DOCK9: variants seen among roughly 807,000 people sequenced by gnomAD.
DOCK9 encodes the protein dedicator of cytokinesis 9.
Under a neutral mutation model 263.3 loss-of-function variants are expected in DOCK9, and 89 were observed. The observed-to-expected ratio is 0.34, with a 90% CI of 0.28 to 0.40. DOCK9 has a LOEUF of 0.40. Ranked by LOEUF, DOCK9 falls within the 10% of genes least tolerant of loss-of-function variation. DOCK9 has a pLI of 1.00. For synonymous variants in DOCK9, 976 were observed against 973.1 expected (o/e 1.00, Z -0.06); for missense variants, 2,140 against 2,603.4 (o/e 0.82, Z 3.87).
intron 1 of DOCK9, among the ~76,000 whole-genome samples, chr13:99,083,903 C>A (rs1482952184): frequency 2.0e-5 from 3 of 152,194 alleles, no homozygotes. Flanking sequence ...TTAAATCCAT[C>A]TGCAGAACTG....
intron 1 of DOCK9, among the ~76,000 whole-genome samples, chr13:99,009,668 T>G (rs958024447): frequency 1.6e-4 from 25 of 151,950 alleles, no homozygotes; most frequent in Middle Eastern, 3.4e-3. Context: ...AGATCCCACC[T>G]GTCCCCACCC....
chr13:99,059,160 A>G (rs1171815367), intron 1 of DOCK9, among the ~76,000 whole-genome samples: 2 of 152,166 alleles, frequency 1.3e-5, no homozygotes, highest in Non-Finnish European at 2.9e-5. Context: ...TAAATACACC[A>G]TGACCAGAGA....
At chr13:99,016,081 G>T (rs1352439060) in intron 1 of DOCK9, 1 of 152,664 alleles carries the variant, frequency 6.6e-6, no homozygotes, top group African/African-American at 2.4e-5. Flanking sequence ...TTCATCTGCT[G>T]CAAGAAATCG....
At chr13:98,860,756 C>T (rs918053601) in intron 32 of DOCK9, among the ~76,000 whole-genome samples, 16 of 152,090 alleles carry the variant, frequency 1.1e-4, no homozygotes, top group African/African-American at 3.9e-4. Flanking sequence ...AGAGAAATCA[C>T]GTTCCATAAA....
chr13:98,915,638 T>A, intron 7 of DOCK9, 135 bp from the exon 8 acceptor site: 11 of 719,514 alleles, frequency 1.5e-5, no homozygotes, highest in Non-Finnish European at 2.3e-5. Flanking sequence ...TGCCCCCTCC[T>A]CATGAAAGCC....
Position 98,922,083 on chromosome 13 carries a change from T to A in DOCK9, c.550A>T (p.Asn184Tyr). The change falls in exon 6 of 53, where the codon AAC (asparagine) becomes TAC (tyrosine). Residue 184 changes from asparagine (N) to tyrosine (Y), a missense_variant. By Grantham distance (143) the Asn-to-Tyr change is moderately radical. Around this residue, in one of 2 missense-constraint regions of DOCK9, gnomAD observed 1,521 missense variants for 1,741.7 expected, o/e 0.87. Transcript: ENST00000682017. ...ITKHGWLYKG[N>Y]MNSAISVTMR... ...GTCACGCTGATGGCACTGTTCATGT[T>A]GCCTTTGTACAGCCAGCCATGCTTG... The A allele has an allele frequency of 6.2e-7, 1 of 1,602,048 alleles. No homozygotes were observed. The highest frequency in any genetic ancestry group is 8.5e-7 in the Non-Finnish European group (1 of 1,174,918).
chr13:98,814,170 C>A (rs922083339), intron 45 of DOCK9, among the ~76,000 whole-genome samples: 1 of 152,118 alleles, frequency 6.6e-6, no homozygotes, highest in South Asian at 2.1e-4. Flanking sequence ...CATTTACCTC[C>A]TACATCATAT....
chr13:98,898,520 G>A (rs950875263), intron 13 of DOCK9, among the ~76,000 whole-genome samples: 8 of 152,068 alleles, frequency 5.3e-5, no homozygotes, highest in African/African-American at 1.4e-4. Flanking sequence ...TGGTCTTTAC[G>A]GGCAACAAAC....
chr13:99,035,602 T>C (rs1282271849), intron 1 of DOCK9, among the ~76,000 whole-genome samples: 2 of 152,146 alleles, frequency 1.3e-5, no homozygotes, highest in Admixed American at 1.3e-4. Context: ...AGCAACAAGA[T>C]AGAAGGAGCC....
At chr13:98,986,850 C>T (rs1309031475) in intron 1 of DOCK9, among the ~76,000 whole-genome samples, 1 of 152,148 alleles carries the variant, frequency 6.6e-6, no homozygotes, top group Non-Finnish European at 1.5e-5. Context: ...CTAAATTAAA[C>T]TTATTCACAG....
intron 1 of DOCK9, among the ~76,000 whole-genome samples, chr13:99,072,571 A>G (rs979202786): frequency 2.0e-5 from 3 of 152,220 alleles, no homozygotes; most frequent in African/African-American, 7.2e-5. Flanking sequence ...ATCCCCAGTG[A>G]TCACAAAACC....
At chr13:99,087,936 C>G (rs1374921262), upstream of DOCK9, 2 of 152,340 alleles carry the variant, frequency 1.3e-5, no homozygotes, top group African/African-American at 2.4e-5. Flanking sequence ...GGTTTCATAG[C>G]CGCCATCGCT....
chr13:99,043,262 T>C (rs1014378744), intron 1 of DOCK9, among the ~76,000 whole-genome samples: 4 of 152,220 alleles, frequency 2.6e-5, no homozygotes, highest in African/African-American at 7.2e-5. Flanking sequence ...AGGAAGAAAC[T>C]GGGGAAGATA....
rs369650467 is a variant in DOCK9 at position 98,947,368 on chromosome 13, T to C, written c.243+8067A>G. 2.6e-5 allele frequency among the ~76,000 whole-genome samples: 4 copies of C among 151,726 alleles called. 1 individual carries two copies. Among genetic ancestry groups the C allele is most frequent in the African/African-American group, 9.7e-5 (4 of 41,304 alleles). On this transcript the variant is annotated intron_variant, in intron 2 of 52. Coordinates refer to ENST00000682017, the MANE Select transcript of DOCK9 (RefSeq NM_001366683.2). ...TTAAGCTCAGCTGATCAGTGCTACC[T>C]GAAAAGTAAGCTTTTCTTTTTAAGG...
chr13:98,807,865 T>C, intron 47 of DOCK9, 58 bp from the exon 48 acceptor site: 2 of 1,395,128 alleles, frequency 1.4e-6, no homozygotes, highest in Non-Finnish European at 1.9e-6. Flanking sequence ...GCTTACCACC[T>C]AGGAAGCGTT....
At chr13:99,010,168 G>T (rs1028729028) in intron 1 of DOCK9, among the ~76,000 whole-genome samples, 6 of 152,190 alleles carry the variant, frequency 3.9e-5, no homozygotes, top group Non-Finnish European at 8.8e-5. Context: ...GGTCCTAGCT[G>T]CTGTTAAAGT....
chr13:99,066,235 C>T (rs1204344345), intron 1 of DOCK9, among the ~76,000 whole-genome samples: 1 of 152,172 alleles, frequency 6.6e-6, no homozygotes, highest in Non-Finnish European at 1.5e-5. Flanking sequence ...TGCAAATCAG[C>T]AGAATGTCAC....
intron 45 of DOCK9, among the ~76,000 whole-genome samples, chr13:98,811,538 G>C (rs1286595897): frequency 6.6e-6 from 1 of 152,112 alleles, no homozygotes; most frequent in Non-Finnish European, 1.5e-5. Context: ...TGTCTCCCAA[G>C]TAGCTGGGAT....
At chr13:99,016,622 C>G (rs567786305) in intron 1 of DOCK9, among the ~76,000 whole-genome samples, 7 of 152,300 alleles carry the variant, frequency 4.6e-5, no homozygotes, top group African/African-American at 1.7e-4. Flanking sequence ...CACTACCTCA[C>G]GTGAATCTCT....
Sources: gnomAD v4.1 joint callset for allele counts (sites outside exome capture counted in the v4.1 genomes callset) on GRCh38, gnomAD v4.1.1 for gene constraint, gnomAD v4.1.1 regional missense constraint, MANE v1.5 for transcripts, NCBI Gene and HGNC (gene_info 2026-07-23, HGNC 2026-07-21) for gene names.